PSAT1: variants seen among roughly 807,000 people sequenced by gnomAD.
PSAT1 encodes the protein phosphoserine aminotransferase.
In PSAT1, 41 loss-of-function variants were observed where a neutral mutation model predicts 40.3. That is an observed-to-expected ratio of 1.02 (90% CI 0.79 to 1.32). The LOEUF is 1.32. Among genes scored for constraint, PSAT1 ranks in the 40% most tolerant of loss-of-function variants. The pLI is 0.00. For synonymous variants in PSAT1, 147 were observed against 170.5 expected (o/e 0.86, Z 1.07); for missense variants, 406 against 455.8 (o/e 0.89, Z 0.99).
chr9:78,297,153 G>A lies in PSAT1; in HGVS notation c.-58G>A. On this transcript the variant is annotated 5_prime_UTR_variant, in exon 1 of 9. Transcript: ENST00000376588. ...GACTCTCACCGCAGCGGCCAGGAAC[G>A]CCAGCCGTTCACGCGTTCGGTCCTC... 9.8e-6 allele frequency: 15 copies of A among 1,532,378 alleles called. No homozygotes were observed. Among genetic ancestry groups the A allele is most frequent in the Non-Finnish European group, 1.3e-5 (15 of 1,132,490 alleles). 94.9% of individuals were successfully genotyped at this position (1,532,378 alleles called of 1,614,324 possible). A position where few individuals can be genotyped will look rare whatever the true frequency, so the allele number is the denominator to read the frequency against.
intron 7 of PSAT1, among the ~76,000 whole-genome samples, chr9:78,320,353 C>CATCCATCT (rs1828410850): frequency 1.3e-5 from 2 of 151,718 alleles, no homozygotes; most frequent in Admixed American, 1.3e-4. Context: ...TCCATCCATC[C>CATCCATCT]ATCCATCTGC....
At chr9:78,299,964 C>T (rs1828084185) in intron 1 of PSAT1, among the ~76,000 whole-genome samples, 1 of 152,018 alleles carries the variant, frequency 6.6e-6, no homozygotes, top group Non-Finnish European at 1.5e-5. Context: ...GTTGCTTTTG[C>T]ACTTATTTTG....
chr9:78,300,750 C>G, intron 2 of PSAT1, 88 bp downstream of exon 2: 6 of 1,418,952 alleles, frequency 4.2e-6, no homozygotes, highest in South Asian at 1.4e-5. Flanking sequence ...GGGTCCTGCT[C>G]TGTCACCCAG....
chr9:78,302,658 A>G (rs571597120), intron 3 of PSAT1, among the ~76,000 whole-genome samples: 2 of 147,960 alleles, frequency 1.4e-5, no homozygotes, highest in South Asian at 4.3e-4. Flanking sequence ...CGCTTGAACC[A>G]GGGAGGCGGA....
In PSAT1 at chr9:78,318,757, A is replaced by G. The variant is rs79123833; in HGVS notation, c.869+953A>G. Among the ~76,000 whole-genome samples the G allele has an allele frequency of 9.2e-5, 14 of 152,342 alleles. No homozygotes were observed. The East Asian group carries it at 2.7e-3, about 29-fold the overall frequency. ...AGATCCTTCACATAATGACATCTGC[A>G]AAGTCCTTTTTTTCCAAATAGGTCA... On this transcript the variant is annotated intron_variant, in intron 7 of 8. Transcript: ENST00000376588.
At chr9:78,313,105 C>T (rs1443230762) in intron 6 of PSAT1, among the ~76,000 whole-genome samples, 1 of 152,126 alleles carries the variant, frequency 6.6e-6, no homozygotes, top group Non-Finnish European at 1.5e-5. Flanking sequence ...GTGGCTCACG[C>T]CTGTAATCCC....
chr9:78,316,608 C>T (rs72745643), intron 6 of PSAT1, among the ~76,000 whole-genome samples: 2,227 of 152,294 alleles, frequency 0.015, 31 homozygotes, highest in Non-Finnish European at 0.022. Context: ...AGGGGCCTTG[C>T]TGGACCTGCA....
chr9:78,308,207 C>T (rs564314662), intron 5 of PSAT1, among the ~76,000 whole-genome samples: 24 of 152,262 alleles, frequency 1.6e-4, no homozygotes, highest in African/African-American at 5.5e-4. Context: ...AGGTGAGGAC[C>T]AGGCTGACGG....
intron 1 of PSAT1, among the ~76,000 whole-genome samples, chr9:78,300,358 G>A (rs1478697519): frequency 6.6e-6 from 1 of 152,092 alleles, no homozygotes; most frequent in Non-Finnish European, 1.5e-5. Flanking sequence ...CGGTAAATTC[G>A]GGCCTTTGGA....
intron 6 of PSAT1, 60 bp downstream of exon 6, chr9:78,308,643 C>G: frequency 6.3e-7 from 1 of 1,584,788 alleles, no homozygotes; most frequent in Non-Finnish European, 8.6e-7. Flanking sequence ...TTCATCAAAG[C>G]GGAGGTTACA....
chr9:78,328,496 C>T (rs1263010476), intron 8 of PSAT1, among the ~76,000 whole-genome samples: 1 of 152,196 alleles, frequency 6.6e-6, no homozygotes, highest in African/African-American at 2.4e-5. Context: ...GCCAGCACCA[C>T]TCTGTTCTGG....
At chr9:78,307,037 T>C (rs1275752964) in intron 5 of PSAT1, among the ~76,000 whole-genome samples, 2 of 152,306 alleles carry the variant, frequency 1.3e-5, no homozygotes, top group Middle Eastern at 3.4e-3. Flanking sequence ...ATATAACAAA[T>C]TTTACCATTT....
Position 78,329,054 on chromosome 9 carries a change from A to G in PSAT1, c.1081A>G (p.Met361Val). The change falls in exon 9 of 9, where the codon ATG becomes GTG. Residue 361 changes from methionine to valine, a missense_variant. Met to Val is a conservative substitution (Grantham distance 21). Transcript: ENST00000376588. The stretch of plus-strand genomic sequence containing the variant: ...AGACGTTCAGAAGCTGGCCGCCTTC[A>G]TGAAAAAATTTTTGGAGATGCATCA... Reference protein sequence around the residue: ...IEDVQKLAAFMKKFLEMHQL With the variant: ...IEDVQKLAAFVKKFLEMHQL The G allele has an allele frequency of 6.2e-7, 1 of 1,612,724 alleles. No homozygotes were observed. The highest frequency in any genetic ancestry group is 2.2e-5 in the East Asian group (1 of 44,878).
At chr9:78,308,751 C>G (rs1370190553) in intron 6 of PSAT1, among the ~76,000 whole-genome samples, 168 bp downstream of exon 6, 4 of 152,080 alleles carry the variant, frequency 2.6e-5, no homozygotes, top group African/African-American at 9.7e-5. Flanking sequence ...AGGTCAGGAG[C>G]TAGAGACTAG....
chr9:78,319,742 G>T (rs754465021), intron 7 of PSAT1, among the ~76,000 whole-genome samples: 81 of 152,288 alleles, frequency 5.3e-4, no homozygotes, highest in Non-Finnish European at 1.1e-3. Context: ...GTGGAATTAG[G>T]CAGAGAAGAG....
intron 3 of PSAT1, among the ~76,000 whole-genome samples, chr9:78,304,006 A>G (rs1828144693): frequency 6.6e-6 from 1 of 152,182 alleles, no homozygotes; most frequent in Non-Finnish European, 1.5e-5. Context: ...TGTATAATAG[A>G]TACATGATTT....
intron 6 of PSAT1, among the ~76,000 whole-genome samples, chr9:78,311,163 C>G (rs1003545554): frequency 6.6e-6 from 1 of 152,198 alleles, no homozygotes; most frequent in Non-Finnish European, 1.5e-5. Flanking sequence ...CCAGTGGTCA[C>G]TGGCCAACTG....
In PSAT1 at chr9:78,298,307, G is replaced by A. The variant is rs1428418718; in HGVS notation, c.60+1037G>A. ...CCAGGATAGAGCTGATAATATGTTG[G>A]AGCAGCATGAGGCATAGCCAAGTAT... On this transcript the variant is annotated intron_variant, in intron 1 of 8. Coordinates refer to ENST00000376588, the MANE Select transcript of PSAT1 (RefSeq NM_058179.4). The A allele has an allele frequency of 5.1e-6, 5 of 985,308 alleles. No homozygotes were observed. The African/African-American group carries it at 8.7e-5, about 17-fold the overall frequency. The allele number at this position is 985,308 out of a possible 1,614,324, so 61.0% of individuals were successfully genotyped here. A position where few individuals can be genotyped will look rare whatever the true frequency, so the allele number is the denominator to read the frequency against.
rs778387460 is a variant in PSAT1 at position 78,328,185 on chromosome 9, A to G, written c.1004A>G (p.His335Arg). Residue 335 changes from histidine (H) to arginine (R), a missense_variant, in exon 8 of 9, where the codon CAT (histidine) becomes CGT (arginine). His to Arg is a conservative substitution (Grantham distance 29, BLOSUM62 0). Coordinates refer to ENST00000376588, the MANE Select transcript of PSAT1 (RefSeq NM_058179.4). ...LELNMLSLKG[H>R]RSVGGIRASL... ...CTCAATATGTTGTCCTTGAAAGGGC[A>G]TAGGTGAGTACATCTGCAATGCACG... 6.2e-7 allele frequency: 1 copy of G among 1,613,956 alleles called. No homozygotes were observed. Among genetic ancestry groups the G allele is most frequent in the African/African-American group, 1.3e-5 (1 of 74,940 alleles).
Sources: gnomAD v4.1 joint callset for allele counts (sites outside exome capture counted in the v4.1 genomes callset) on GRCh38, gnomAD v4.1.1 for gene constraint, MANE v1.5 for transcripts, NCBI Gene and HGNC (gene_info 2026-07-23, HGNC 2026-07-21) for gene names.